LRRC56: variants seen among roughly 807,000 people sequenced by gnomAD.
The protein encoded by LRRC56 is leucine rich repeat containing 56.
A neutral mutation model predicts 47.8 loss-of-function variants in LRRC56; 41 were observed. That is an observed-to-expected ratio of 0.86 (90% CI 0.67 to 1.11). LRRC56 has a LOEUF of 1.11. LRRC56 is among the 50% of genes most tolerant of loss of function. LRRC56 has a pLI of 0.00. For synonymous variants in LRRC56, 387 were observed against 311.2 expected (o/e 1.24, Z -2.56); for missense variants, 759 against 704.2 (o/e 1.08, Z -0.88).
intron 6 of LRRC56, among the ~76,000 whole-genome samples, chr11:548,528 G>A (rs761823003): frequency 5.3e-5 from 8 of 152,198 alleles, no homozygotes; most frequent in Non-Finnish European, 1.0e-4. Flanking sequence ...CGCAATCTCA[G>A]CTCACTGCAA....
upstream of LRRC56, among the ~76,000 whole-genome samples, chr11:534,891 G>A (rs1851364491): frequency 6.6e-6 from 1 of 152,250 alleles, no homozygotes; most frequent in Admixed American, 6.5e-5. Context: ...CCCCCGGCGG[G>A]GAACCGGGGG....
At chr11:520,347 A>T in the LRRC56 span, among the ~76,000 whole-genome samples, 1 of 151,826 alleles carries the variant, frequency 6.6e-6, no homozygotes, top group African/African-American at 2.4e-5. Context: ...TTTATGGGGA[A>T]TCTCGCTCTG....
chr11:528,507 A>G, the LRRC56 span: 1 of 152,200 alleles, frequency 6.6e-6, no homozygotes, highest in East Asian at 1.9e-4. Context: ...GGGCTCAAGA[A>G]GGTGAGACAG....
At chr11:553,299 G>A (rs1051861242) in intron 13 of LRRC56, among the ~76,000 whole-genome samples, 17 of 152,248 alleles carry the variant, frequency 1.1e-4, no homozygotes, top group African/African-American at 4.1e-4. Flanking sequence ...GGCAGTGTAA[G>A]CAGGGGCGAC....
At chr11:522,483 C>G in the LRRC56 span, among the ~76,000 whole-genome samples, 169 of 152,178 alleles carry the variant, frequency 1.1e-3, 1 homozygote, top group Middle Eastern at 6.8e-3. Flanking sequence ...AGCCAGGATA[C>G]TCTCGATCTC....
At chr11:536,149 G>T (rs181098342), upstream of LRRC56, among the ~76,000 whole-genome samples, 1 of 152,352 alleles carries the variant, frequency 6.6e-6, no homozygotes, top group Admixed American at 6.5e-5. Flanking sequence ...CCCCGAGGAC[G>T]CTTGCAGCCC....
rs554574482 is a variant in LRRC56 at position 545,007 on chromosome 11, G to C, written c.326+227G>C. Among the ~76,000 whole-genome samples the C allele has an allele frequency of 1.8e-4, 27 of 152,174 alleles. No homozygotes were observed. The East Asian group carries it at 3.5e-3, about 20-fold the overall frequency. On this transcript the variant is annotated intron_variant, in intron 6 of 13. Transcript: ENST00000270115. Reference sequence around the variant, plus strand: ...CTGGGACATTCAGGCAGGTGTGAGGGGGTCTCTGAGAGGGTCTTTGTTGAA... The same window carrying C: ...CTGGGACATTCAGGCAGGTGTGAGGCGGTCTCTGAGAGGGTCTTTGTTGAA...
the LRRC56 span, among the ~76,000 whole-genome samples, chr11:514,050 G>C: frequency 4.2e-3 from 636 of 152,196 alleles, 6 homozygotes; most frequent in Non-Finnish European, 4.1e-3. Context: ...GGAATGTAGT[G>C]GCACCATCTC....
chr11:534,221 G>A (rs149199691), upstream of LRRC56: 35 of 1,611,508 alleles, frequency 2.2e-5, no homozygotes, highest in African/African-American at 3.9e-4. Context: ...CCTCTATAGT[G>A]GGGTCGTATT....
the LRRC56 span, among the ~76,000 whole-genome samples, chr11:512,191 C>T: frequency 5.3e-5 from 8 of 151,748 alleles, no homozygotes; most frequent in Non-Finnish European, 1.2e-4. Context: ...ATCTGCCTGC[C>T]CTGGCCTCCC....
the LRRC56 span, among the ~76,000 whole-genome samples, chr11:520,809 T>G: frequency 6.6e-6 from 1 of 152,120 alleles, no homozygotes; most frequent in Middle Eastern, 3.2e-3. Flanking sequence ...TGCTCACCCC[T>G]ACGCCTTCCC....
chr11:517,288 A>T, the LRRC56 span, among the ~76,000 whole-genome samples: 1 of 151,494 alleles, frequency 6.6e-6, no homozygotes, highest in Admixed American at 6.6e-5. Context: ...GGAGGTGAGG[A>T]GCATCTCTGC....
At chr11:517,987 T>G in the LRRC56 span, among the ~76,000 whole-genome samples, 1 of 152,112 alleles carries the variant, frequency 6.6e-6, no homozygotes, top group Non-Finnish European at 1.5e-5. Flanking sequence ...TTAAGAGTCA[T>G]CACCATTCCC....
chr11:552,902 C>G (rs2134073557), intron 13 of LRRC56, among the ~76,000 whole-genome samples, 200 bp downstream of exon 13: 1 of 152,342 alleles, frequency 6.6e-6, no homozygotes, highest in South Asian at 2.1e-4. Context: ...AGTCCTCTCC[C>G]AAGCCACGGT....
At chr11:534,412 C>T (rs555003032), upstream of LRRC56, 872 of 494,056 alleles carry the variant, frequency 1.8e-3, 3 homozygotes, top group African/African-American at 0.025. Flanking sequence ...GGCCCAGGCC[C>T]AGCCCCAGGC....
chr11:549,453 A>C (rs4963197), intron 6 of LRRC56, among the ~76,000 whole-genome samples: 136,429 of 152,254 alleles, frequency 0.9, 61,425 homozygotes, highest in Middle Eastern at 0.96. Context: ...TGGTCCCCAC[A>C]AAAGCTGCCA....
chr11:547,138 A>T (rs1416081940), intron 6 of LRRC56, among the ~76,000 whole-genome samples: 1 of 151,864 alleles, frequency 6.6e-6, no homozygotes. Context: ...AGGCTGAGGC[A>T]TGAGAATCAC....
chr11:535,306 C>CGTT (rs1554885556), upstream of LRRC56: 12 of 146,318 alleles, frequency 8.2e-5, no homozygotes, highest in Admixed American at 2.7e-4. Flanking sequence ...CCGCCGCCGC[C>CGTT]GCCGCCGCTT....
At chr11:544,453 G>C (rs561017005) in intron 5 of LRRC56, among the ~76,000 whole-genome samples, 2 of 152,202 alleles carry the variant, frequency 1.3e-5, no homozygotes, top group Non-Finnish European at 2.9e-5. Context: ...GCGCGGAGCC[G>C]TGAGGCTTTG....
Sources: allele counts gnomAD v4.1 joint callset (sites outside exome capture counted in the v4.1 genomes callset), GRCh38; gene constraint gnomAD v4.1.1; transcripts MANE v1.5; gene names NCBI Gene and HGNC (gene_info 2026-07-23, HGNC 2026-07-21).